The following TADA2B variants were observed in gnomAD, a reference collection of about 807,000 sequenced individuals.
TADA2B encodes transcriptional adaptor 2B.
A neutral mutation model predicts 34.5 loss-of-function variants in TADA2B; 13 were observed. That is an observed-to-expected ratio of 0.38 (90% confidence interval 0.25 to 0.60). The LOEUF is 0.60. Ranked by LOEUF, TADA2B falls within the 20% of genes least tolerant of loss-of-function variation. The pLI, the probability that TADA2B is intolerant of heterozygous loss-of-function variation, is 0.65. For missense variants in TADA2B, 442 were observed against 575.0 expected (o/e 0.77, Z 2.37); for synonymous variants, 240 against 243.4 (o/e 0.99, Z 0.13).
chr4:7,051,699 G>T (rs955456382), intron 1 of TADA2B, among the ~76,000 whole-genome samples: 1 of 151,844 alleles, frequency 6.6e-6, no homozygotes, highest in African/African-American at 2.4e-5. Context: ...CCGGGTTCAC[G>T]CCATTCTCCT....
chr4:7,057,410 CCT>C lies in TADA2B; in HGVS notation c.*2359_*2360del, dbSNP rs1723917015. 1 of 152,236 alleles carries C rather than the reference CCT, an allele frequency of 6.6e-6. No individual in the cohort carries two copies. Among genetic ancestry groups the C allele is most frequent in the Non-Finnish European group, 1.5e-5 (1 of 68,028 alleles). 9.4% of individuals were successfully genotyped at this position (152,236 alleles called of 1,614,324 possible). On this transcript the variant is annotated 3_prime_UTR_variant, in exon 2 of 2. Coordinates refer to ENST00000310074, the MANE Select transcript of TADA2B (RefSeq NM_152293.3). Reference sequence around the variant, plus strand: ...ACTATTCCCGTCACGGTAGTCCTTACCTCTGTCGGCAGCTCAGAGCCTCCACA... The same window carrying C: ...ACTATTCCCGTCACGGTAGTCCTTACCTGTCGGCAGCTCAGAGCCTCCACA...
chr4:7,043,942 T>G, intron 1 of TADA2B, 93 bp downstream of exon 1: 7 of 1,345,602 alleles, frequency 5.2e-6, no homozygotes, highest in Non-Finnish European at 6.7e-6. Context: ...CTGGACCTGC[T>G]CGCTCGCTCC....
chr4:7,044,368 G>A (rs751834205), intron 1 of TADA2B, among the ~76,000 whole-genome samples: 1 of 152,192 alleles, frequency 6.6e-6, no homozygotes, highest in Non-Finnish European at 1.5e-5. Flanking sequence ...TGTGGGTAGC[G>A]TGCCTGGTTT....
intron 1 of TADA2B, among the ~76,000 whole-genome samples, chr4:7,044,654 A>G (rs1372947606): frequency 2.6e-5 from 4 of 152,154 alleles, no homozygotes; most frequent in Non-Finnish European, 5.9e-5. Flanking sequence ...CCGTATTAGA[A>G]AGGAGAAAAT....
At chr4:7,052,117 G>A (rs979274907) in intron 1 of TADA2B, among the ~76,000 whole-genome samples, 2 of 152,204 alleles carry the variant, frequency 1.3e-5, no homozygotes, top group African/African-American at 4.8e-5. Flanking sequence ...GAGCCTCCTG[G>A]AAACTGGCCT....
rs1199141281 is a variant in TADA2B at position 7,054,053 on chromosome 4, T to G, written c.271-9T>G. On this transcript the variant is annotated splice_polypyrimidine_tract_variant and intron_variant, in intron 1 of 1. Coordinates refer to ENST00000310074, the MANE Select transcript of TADA2B (RefSeq NM_152293.3). ...TGGTGGAACTAACTTCTGCCCTTTG[T>G]CATCGTAGGAAGATATGGCTGCCCA... 4 of 1,557,080 alleles carry G rather than the reference T, an allele frequency of 2.6e-6. No homozygotes were observed. The African/African-American group carries it at 5.4e-5, about 21-fold the overall frequency.
Position 7,056,270 on chromosome 4 carries a change from TG to T in TADA2B, c.*1220del, listed in dbSNP as rs1723890617. ...CCAGCCCTGCCTACAAGTTTTTCTC[TG>T]GGGTCCTCTTTCAAGGATGTCCACG... is the stretch of plus-strand genomic sequence containing the variant. On this transcript the variant is annotated 3_prime_UTR_variant, in exon 2 of 2. Coordinates refer to ENST00000310074, the MANE Select transcript of TADA2B (RefSeq NM_152293.3). The T allele has an allele frequency of 6.6e-6, 1 of 152,666 alleles. No homozygotes were observed. Among genetic ancestry groups the T allele is most frequent in the Admixed American group, 6.5e-5 (1 of 15,284 alleles). The allele number at this position is 152,666 out of a possible 1,614,324, so 9.5% of individuals were successfully genotyped here.
intron 1 of TADA2B, among the ~76,000 whole-genome samples, chr4:7,048,900 G>A (rs893056222): frequency 1.3e-5 from 2 of 152,206 alleles, no homozygotes; most frequent in Non-Finnish European, 1.5e-5. Flanking sequence ...GCGTCAGCAC[G>A]GCCTTCCTTT....
rs1323510514 is a variant in TADA2B, at chr4:7,043,380, C to T, written c.-200C>T. 8.5e-5 allele frequency: 13 copies of T among 153,544 alleles called. No individual in the cohort carries two copies. Among genetic ancestry groups the T allele is most frequent in the Non-Finnish European group, 1.6e-4 (12 of 74,058 alleles). 9.5% of individuals were successfully genotyped at this position (153,544 alleles called of 1,614,324 possible). A position where few individuals can be genotyped will look rare whatever the true frequency, so the allele number is the denominator to read the frequency against. On this transcript the variant is annotated 5_prime_UTR_variant, in exon 1 of 2. Transcript: ENST00000310074. ...GGCGGCCGGGCCGGGCCGGACGGCG[C>T]CTGCGTACTGAGGGGGGACGCGGCC...
rs1051231492 is a variant in TADA2B at position 7,056,591 on chromosome 4, T to C, written c.*1537T>C. 6.6e-6 allele frequency: 1 copy of C among 152,256 alleles called. No individual in the cohort carries two copies. Among genetic ancestry groups the C allele is most frequent in the African/African-American group, 2.4e-5 (1 of 41,462 alleles). The allele number at this position is 152,256 out of a possible 1,614,324, so 9.4% of individuals were successfully genotyped here. On this transcript the variant is annotated 3_prime_UTR_variant, in exon 2 of 2. Coordinates refer to ENST00000310074, the MANE Select transcript of TADA2B (RefSeq NM_152293.3). Reference sequence around the variant, plus strand: ...TCCTTTCTTTTTACACATCCTACTGTCCCTTAGGGTAAAATTTTCAGCATT... The same window carrying C: ...TCCTTTCTTTTTACACATCCTACTGCCCCTTAGGGTAAAATTTTCAGCATT...
chr4:7,050,724 G>T (rs1723747309), intron 1 of TADA2B, among the ~76,000 whole-genome samples: 1 of 152,264 alleles, frequency 6.6e-6, no homozygotes, highest in Non-Finnish European at 1.5e-5. Context: ...CGGGGGCAGG[G>T]TCAGCCTGAG....
Position 7,043,502 on chromosome 4 carries a change from C to A in TADA2B, c.-78C>A. On this transcript the variant is annotated 5_prime_UTR_variant, in exon 1 of 2. Transcript: ENST00000310074. ...CTCGTGCGCGGCGGCGGCGGCGGGT[C>A]CCGCGGGCGGCGGGGCGCTGACGGC... 1 of 915,430 alleles carries A rather than the reference C, an allele frequency of 1.1e-6. No individual in the cohort carries two copies. Among genetic ancestry groups the A allele is most frequent in the South Asian group, 4.9e-5 (1 of 20,512 alleles). 56.7% of individuals were successfully genotyped at this position (915,430 alleles called of 1,614,324 possible).
intron 1 of TADA2B, among the ~76,000 whole-genome samples, chr4:7,048,251 G>A (rs1431652539): frequency 1.3e-5 from 2 of 152,194 alleles, no homozygotes; most frequent in African/African-American, 2.4e-5. Context: ...TCCACTGTGC[G>A]GGCTTCCAGG....
At chr4:7,049,662 G>A (rs1723718667) in intron 1 of TADA2B, among the ~76,000 whole-genome samples, 1 of 152,266 alleles carries the variant, frequency 6.6e-6, no homozygotes, top group South Asian at 2.1e-4. Flanking sequence ...TGGCATCAGA[G>A]GGATGCTTGT....
chr4:7,049,320 C>T (rs1460286620), intron 1 of TADA2B, among the ~76,000 whole-genome samples: 2 of 152,228 alleles, frequency 1.3e-5, no homozygotes, highest in African/African-American at 4.8e-5. Context: ...CTCAAGTGAT[C>T]CTCCCGCCTC....
chr4:7,044,903 C>G (rs537865592), intron 1 of TADA2B: 84 of 152,416 alleles, frequency 5.5e-4, no homozygotes, highest in African/African-American at 1.8e-3. Flanking sequence ...GGCCGCCTCA[C>G]ATACTCATTC....
In TADA2B at chr4:7,043,983, G is replaced by T. The variant is rs1226739956; in HGVS notation, c.270+134G>T. On this transcript the variant is annotated intron_variant, in intron 1 of 1. Transcript: ENST00000310074. The stretch of plus-strand genomic sequence containing the variant: ...CCAGAAGGCCCCGGAGGTGGGGAGG[G>T]CGACGCTGCCGGTTTATAGTCGGGC... The T allele has an allele frequency of 2.1e-5, 25 of 1,211,026 alleles. No individual in the cohort carries two copies. The Middle Eastern group carries it at 9.2e-4, about 44-fold the overall frequency. 75.0% of individuals were successfully genotyped at this position (1,211,026 alleles called of 1,614,324 possible).
chr4:7,049,872 T>A lies in TADA2B; in HGVS notation c.271-4190T>A, dbSNP rs114820618. Among the ~76,000 whole-genome samples the A allele has an allele frequency of 8.9e-3, 1,353 of 152,346 alleles. 18 individuals carry two copies. Among genetic ancestry groups the A allele is most frequent in the African/African-American group, 0.031 (1,286 of 41,576 alleles). On this transcript the variant is annotated intron_variant, in intron 1 of 1. Transcript: ENST00000310074. Reference sequence around the variant, plus strand: ...CCCACGCCTACCTTTGCCCGGCCGCTCTGTCCTGCCGCTAGCTGCAGGTGG... The same window carrying A: ...CCCACGCCTACCTTTGCCCGGCCGCACTGTCCTGCCGCTAGCTGCAGGTGG...
intron 1 of TADA2B, among the ~76,000 whole-genome samples, chr4:7,044,059 A>G (rs1723555882): frequency 6.6e-6 from 1 of 152,274 alleles, no homozygotes; most frequent in Admixed American, 6.5e-5. Context: ...AAGGTCACAC[A>G]GCCGAGACGG....
Sources: gnomAD v4.1 joint callset for allele counts (sites outside exome capture counted in the v4.1 genomes callset) on GRCh38, gnomAD v4.1.1 for gene constraint, MANE v1.5 for transcripts, NCBI Gene and HGNC (gene_info 2026-07-23, HGNC 2026-07-21) for gene names.